PTPRD: variants seen among roughly 807,000 people sequenced by gnomAD.
PTPRD encodes the protein protein tyrosine phosphatase receptor type D, also known as receptor-type tyrosine-protein phosphatase delta.
In PTPRD, 34 loss-of-function variants were observed where a neutral mutation model predicts 214.5. That is an observed-to-expected ratio of 0.16 (90% CI 0.12 to 0.21). The LOEUF is 0.21. Ranked by LOEUF, PTPRD falls within the 10% of genes least tolerant of loss-of-function variation. PTPRD has a pLI of 1.00. For synonymous variants in PTPRD, 1,128 were observed against 845.7 expected, an observed-to-expected ratio of 1.33 and a Z score of -5.79; for missense variants, 2,545 against 2,398.7, an observed-to-expected ratio of 1.06 and a Z score of -1.27.
chr9:9,889,845 C>T (rs1327312578), intron 5 of PTPRD, among the ~76,000 whole-genome samples: 2 of 151,402 alleles, frequency 1.3e-5, no homozygotes, highest in African/African-American at 4.9e-5. Flanking sequence ...GTGGTCTCTG[C>T]AGGGGCAGGT....
intron 14 of PTPRD, among the ~76,000 whole-genome samples, chr9:8,599,872 C>T (rs546021014): frequency 2.4e-4 from 36 of 152,018 alleles, no homozygotes; most frequent in Non-Finnish European, 4.9e-4. Flanking sequence ...CAGCCTCGGC[C>T]CCCCAAATTG....
intron 5 of PTPRD, among the ~76,000 whole-genome samples, chr9:9,892,856 T>C (rs1051061921): frequency 1.3e-5 from 2 of 152,000 alleles, no homozygotes; most frequent in African/African-American, 4.8e-5. Context: ...GAGGTACTGG[T>C]TATAGTACAT....
At chr9:8,719,044 G>C (rs911170215) in intron 12 of PTPRD, among the ~76,000 whole-genome samples, 1 of 151,970 alleles carries the variant, frequency 6.6e-6, no homozygotes, top group Admixed American at 6.6e-5. Flanking sequence ...CTCAGGCTTC[G>C]AGACCCATGA....
chr9:10,455,891 G>A (rs2098912119), intron 2 of PTPRD, among the ~76,000 whole-genome samples: 1 of 151,688 alleles, frequency 6.6e-6, no homozygotes, highest in African/African-American at 2.4e-5. Flanking sequence ...TTGACTGCTA[G>A]GAAATCACAA....
At chr9:10,235,319 T>G (rs988250575) in intron 3 of PTPRD, among the ~76,000 whole-genome samples, 1 of 151,958 alleles carries the variant, frequency 6.6e-6, no homozygotes, top group Non-Finnish European at 1.5e-5. Flanking sequence ...TGTGAAATCA[T>G]GTAGGTATGC....
At chr9:9,286,264 C>T (rs1949328080) in intron 9 of PTPRD, among the ~76,000 whole-genome samples, 2 of 151,824 alleles carry the variant, frequency 1.3e-5, no homozygotes, top group South Asian at 4.1e-4. Flanking sequence ...TTATAATAGG[C>T]TCCAAAAGGG....
intron 9 of PTPRD, among the ~76,000 whole-genome samples, chr9:9,195,105 T>TAC (rs1165884698): frequency 1.7e-4 from 24 of 143,560 alleles, no homozygotes; most frequent in African/African-American, 6.0e-4. Flanking sequence ...TATATATATA[T>TAC]ATACACACAC....
intron 6 of PTPRD, among the ~76,000 whole-genome samples, chr9:9,748,390 A>G (rs1238018237): frequency 6.6e-6 from 1 of 152,236 alleles, no homozygotes; most frequent in Non-Finnish European, 1.5e-5. Flanking sequence ...GCCATATTCT[A>G]TCAATGAGCT....
chr9:8,845,836 G>C (rs529189167), intron 11 of PTPRD, among the ~76,000 whole-genome samples: 1 of 152,174 alleles, frequency 6.6e-6, no homozygotes, highest in African/African-American at 2.4e-5. Flanking sequence ...CCAGAACCGA[G>C]ATCAATTTTA....
intron 14 of PTPRD, among the ~76,000 whole-genome samples, chr9:8,545,482 C>T (rs1030638036): frequency 6.6e-6 from 1 of 152,098 alleles, no homozygotes; most frequent in African/African-American, 2.4e-5. Context: ...GAGGTAGTTC[C>T]GAGGAAAACC....
intron 4 of PTPRD, among the ~76,000 whole-genome samples, chr9:9,972,485 C>T (rs117000875): frequency 2.6e-5 from 4 of 152,082 alleles, no homozygotes; most frequent in East Asian, 1.9e-4. Context: ...TCATTCACTC[C>T]CTTCATATTA....
At chr9:10,262,399 G>A (rs954499651) in intron 3 of PTPRD, among the ~76,000 whole-genome samples, 1 of 152,050 alleles carries the variant, frequency 6.6e-6, no homozygotes, top group Non-Finnish European at 1.5e-5. Flanking sequence ...CTCTGTCATC[G>A]GTATGTGACA....
chr9:8,710,557 G>A lies in PTPRD; in HGVS notation c.64+23223C>T, dbSNP rs201793389. Among the ~76,000 whole-genome samples the A allele has an allele frequency of 3.3e-5, 5 of 152,090 alleles. No individual in the cohort carries two copies. In the East Asian group the frequency reaches 9.7e-4, roughly 29 times the overall value. On this transcript the variant is annotated intron_variant, in intron 12 of 45. Coordinates refer to ENST00000381196, the MANE Select transcript of PTPRD (RefSeq NM_002839.4). ...CCTGAGCCCAACAGGTCGAGGCTGA[G>A]GTTAGCAGTGATTGTGCCACTGCAC...
At chr9:9,937,718 G>T (rs1459955521) in intron 5 of PTPRD, among the ~76,000 whole-genome samples, 1 of 151,918 alleles carries the variant, frequency 6.6e-6, no homozygotes, top group Non-Finnish European at 1.5e-5. Context: ...ACTATTCTTT[G>T]AAACTGTGGA....
intron 3 of PTPRD, among the ~76,000 whole-genome samples, chr9:10,172,453 T>C (rs958624237): frequency 5.3e-5 from 8 of 152,232 alleles, no homozygotes; most frequent in African/African-American, 7.2e-5. Flanking sequence ...GTTGAAATCT[T>C]ACCTACTGAA....
In PTPRD at chr9:10,096,171, C is replaced by T. The variant is rs115317365; in HGVS notation, c.-544-62381G>A. ...ACAGGCAATAATGTTATTTCTTCTA[C>T]GGTACACTACTAGAATTGGGCACTG... On this transcript the variant is annotated intron_variant, in intron 3 of 45. Coordinates refer to ENST00000381196, the MANE Select transcript of PTPRD (RefSeq NM_002839.4). 8.7e-3 allele frequency among the ~76,000 whole-genome samples: 1,314 copies of T among 151,676 alleles called. 29 individuals are homozygous for T. The highest frequency in any genetic ancestry group is 0.03 in the African/African-American group (1,240 of 41,458).
At chr9:9,941,301 C>G (rs893602550) in intron 4 of PTPRD, among the ~76,000 whole-genome samples, 4 of 152,030 alleles carry the variant, frequency 2.6e-5, no homozygotes, top group Admixed American at 2.6e-4. Flanking sequence ...TCTTAATATT[C>G]AATAAACATT....
intron 3 of PTPRD, among the ~76,000 whole-genome samples, chr9:10,153,584 G>C (rs1250308665): frequency 6.6e-6 from 1 of 151,804 alleles, no homozygotes; most frequent in African/African-American, 2.4e-5. Flanking sequence ...GTGCAGGTTT[G>C]TTATATAGGT....
At chr9:8,857,811 C>A (rs1238818276) in intron 11 of PTPRD, 2 of 155,624 alleles carry the variant, frequency 1.3e-5, no homozygotes, top group South Asian at 1.8e-4. Flanking sequence ...CGCCGCCGCC[C>A]AGCCCTCGTG....
Sources: gnomAD v4.1 joint callset for allele counts (sites outside exome capture counted in the v4.1 genomes callset) on GRCh38, gnomAD v4.1.1 for gene constraint, MANE v1.5 for transcripts, NCBI Gene and HGNC (gene_info 2026-07-23, HGNC 2026-07-21) for gene names.